Variants in ARHGEF10L observed in about 807,000 individuals in gnomAD.
ARHGEF10L encodes the protein rho guanine nucleotide exchange factor 10-like protein.
Under a neutral mutation model 141.2 loss-of-function variants are expected in ARHGEF10L, and 69 were observed. The ratio of observed to expected loss-of-function variants is 0.49; its 90% CI spans 0.40 to 0.60. The LOEUF (loss-of-function observed/expected upper bound fraction) is 0.60. Ranked by LOEUF, ARHGEF10L falls within the 20% of genes least tolerant of loss-of-function variation. The pLI, the probability that ARHGEF10L is intolerant of heterozygous loss-of-function variation, is 0.00. For synonymous variants in ARHGEF10L, 711 were observed against 718.5 expected (o/e 0.99, Z 0.17); for missense variants, 1,482 against 1,734.3 (o/e 0.85, Z 2.58).
At chr1:17,628,713 T>TA (rs1260836498) in intron 15 of ARHGEF10L, among the ~76,000 whole-genome samples, 1 of 152,222 alleles carries the variant, frequency 6.6e-6, no homozygotes, top group African/African-American at 2.4e-5. Context: ...CTAAGGCCTA[T>TA]GGCTGGCTGT....
chr1:17,649,934 C>T (rs1460859275), intron 22 of ARHGEF10L, among the ~76,000 whole-genome samples: 4 of 152,144 alleles, frequency 2.6e-5, no homozygotes, highest in African/African-American at 4.8e-5. Context: ...CCCCGAGGTT[C>T]GCTGGTGGGT....
In ARHGEF10L at chr1:17,615,079, G is replaced by A. The variant is rs187755018; in HGVS notation, c.727-1015G>A. On this transcript the variant is annotated intron_variant, in intron 8 of 28. Coordinates refer to ENST00000361221, the MANE Select transcript of ARHGEF10L (RefSeq NM_018125.4). This position sits in a 1 kb window ranked among gnomAD's most constrained non-coding sequence, Gnocchi z 4.7. ...CTCTTTAAATGGAAATTAACTAAAA[G>A]TAAATATAATTAGAAATTTGGGTGC... 25 of 152,336 alleles carry A rather than the reference G, an allele frequency of 1.6e-4. No homozygotes were observed. The highest frequency in any genetic ancestry group is 1.4e-3 in the Admixed American group (22 of 15,304). The allele number at this position is 152,336 out of a possible 1,614,324, so 9.4% of individuals were successfully genotyped here. A position where few individuals can be genotyped will look rare whatever the true frequency, so the allele number is the denominator to read the frequency against.
chr1:17,689,198 T>G (rs1040709872), intron 27 of ARHGEF10L, among the ~76,000 whole-genome samples: 5 of 152,012 alleles, frequency 3.3e-5, no homozygotes, highest in Non-Finnish European at 7.4e-5. Flanking sequence ...GAAAGAGAGT[T>G]GGCTTGAGGC....
rs978558564 is a variant in ARHGEF10L, at chr1:17,588,476, C to G, written c.254C>G (p.Thr85Arg). Residue 85 changes from threonine (T) to arginine (R), a missense_variant, in exon 4 of 29, where the codon ACA becomes AGA. Coordinates refer to ENST00000361221, the MANE Select transcript of ARHGEF10L (RefSeq NM_018125.4). ...GACCCAGCAGCTGCTCCACCCGGCACAGGGTAAGTGAACCTTGCTCCTTTG... is the reference window on the plus strand; with the variant it reads ...GACCCAGCAGCTGCTCCACCCGGCAGAGGGTAAGTGAACCTTGCTCCTTTG... Reference protein sequence around the residue: ...DPDPAAAPPGTGVPAWVSNGD... With the variant: ...DPDPAAAPPGRGVPAWVSNGD... The G allele has an allele frequency of 6.2e-7, 1 of 1,613,976 alleles. No individual in the cohort carries two copies. The highest frequency in any genetic ancestry group is 1.7e-4 in the Middle Eastern group (1 of 6,058).
chr1:17,517,060 G>A, the ARHGEF10L span, among the ~76,000 whole-genome samples: 1 of 152,194 alleles, frequency 6.6e-6, no homozygotes, highest in Non-Finnish European at 1.5e-5. Flanking sequence ...AGCCTCCCAG[G>A]AGGGAACCCA....
intron 21 of ARHGEF10L, among the ~76,000 whole-genome samples, chr1:17,648,214 G>C (rs1307540068): frequency 6.6e-6 from 1 of 152,156 alleles, no homozygotes; most frequent in Non-Finnish European, 1.5e-5. Context: ...ATTTCATTTG[G>C]TCCTCACAAC....
At chr1:17,629,819 C>T (rs941537960) in intron 15 of ARHGEF10L, among the ~76,000 whole-genome samples, 16 of 152,342 alleles carry the variant, frequency 1.1e-4, no homozygotes, top group Admixed American at 4.6e-4. Flanking sequence ...TCCCCACCTT[C>T]GGCTCCCTCT....
At chr1:17,576,499 G>A (rs540396969) in intron 1 of ARHGEF10L, among the ~76,000 whole-genome samples, 13 of 152,086 alleles carry the variant, frequency 8.5e-5, no homozygotes, top group Non-Finnish European at 1.9e-4. Context: ...GCCATTCCAC[G>A]CAGTAGCAGG....
chr1:17,527,739 A>G, the ARHGEF10L span, among the ~76,000 whole-genome samples: 62 of 151,888 alleles, frequency 4.1e-4, no homozygotes, highest in African/African-American at 1.4e-3. Flanking sequence ...AATCCTTGCC[A>G]GGGGATTTTC....
At position 17,690,501 on chromosome 1, in the gene ARHGEF10L, C is replaced by G. The variant is rs796924716; in HGVS notation, c.3184+2754C>G. ...CTGCATCTCCTGCGAGGGCTCCTTG[C>G]CCCTCCTAAGACCCTCCAGGTCAGT... On this transcript the variant is annotated intron_variant, in intron 27 of 28. Coordinates refer to ENST00000361221, the MANE Select transcript of ARHGEF10L (RefSeq NM_018125.4). Among the ~76,000 whole-genome samples the G allele has an allele frequency of 9.2e-5, 14 of 152,390 alleles. 1 individual carries two copies. Among genetic ancestry groups the G allele is most frequent in the African/African-American group, 2.9e-4 (12 of 41,598 alleles).
At chr1:17,552,946 C>A (rs941258576) in intron 1 of ARHGEF10L, among the ~76,000 whole-genome samples, 8 of 152,174 alleles carry the variant, frequency 5.3e-5, no homozygotes, top group Non-Finnish European at 1.0e-4. Flanking sequence ...CCTTCCTTGG[C>A]AAATCACTTG....
chr1:17,647,329 C>T (rs1187547031), intron 21 of ARHGEF10L, among the ~76,000 whole-genome samples: 1 of 152,154 alleles, frequency 6.6e-6, no homozygotes, highest in Non-Finnish European at 1.5e-5. Context: ...TGGCTGTGCT[C>T]AGCGATTGTG....
intron 1 of ARHGEF10L, among the ~76,000 whole-genome samples, chr1:17,561,652 G>A (rs1466987200): frequency 6.6e-6 from 1 of 152,226 alleles, no homozygotes; most frequent in African/African-American, 2.4e-5. Flanking sequence ...TAGGTCCCTG[G>A]GGCTGTCGGG....
At chr1:17,675,051 G>A (rs2063558737) in intron 26 of ARHGEF10L, among the ~76,000 whole-genome samples, 1 of 152,150 alleles carries the variant, frequency 6.6e-6, no homozygotes, top group Non-Finnish European at 1.5e-5. Flanking sequence ...AGTCTTTTGG[G>A]CAATGTCCAG....
Position 17,654,850 on chromosome 1 carries a change from C to T in ARHGEF10L, c.2481+128C>T. The T allele has an allele frequency of 1.1e-6, 1 of 888,884 alleles. No homozygotes were observed. Among genetic ancestry groups the T allele is most frequent in the Non-Finnish European group, 1.8e-6 (1 of 547,808 alleles). 55.1% of individuals were successfully genotyped at this position (888,884 alleles called of 1,614,324 possible). ...CTCATGCAGCTTCATCCACCAAGGTCTTCCTGGGCACCTCTGGTGCCAGGC... is the reference window on the plus strand; with the variant it reads ...CTCATGCAGCTTCATCCACCAAGGTTTTCCTGGGCACCTCTGGTGCCAGGC... On this transcript the variant is annotated intron_variant, in intron 23 of 28. Transcript: ENST00000361221. The surrounding 1 kb of genome is among the most constrained non-coding windows in gnomAD (Gnocchi z 4.3).
intron 27 of ARHGEF10L, chr1:17,689,867 G>C (rs1165164054): frequency 2.2e-6 from 1 of 455,950 alleles, no homozygotes; most frequent in Non-Finnish European, 4.4e-6. Context: ...GTGGTGGGAG[G>C]CAGGATGTGT....
upstream of ARHGEF10L, among the ~76,000 whole-genome samples, chr1:17,536,421 G>A (rs2076576082): frequency 6.6e-6 from 1 of 152,134 alleles, no homozygotes; most frequent in Non-Finnish European, 1.5e-5. Flanking sequence ...AGGTTGCGGT[G>A]AGCTGAGATC....
intron 1 of ARHGEF10L, among the ~76,000 whole-genome samples, chr1:17,564,511 A>C (rs898598428): frequency 6.6e-6 from 1 of 152,184 alleles, no homozygotes; most frequent in Non-Finnish European, 1.5e-5. Flanking sequence ...CCCCAGCAGC[A>C]CAGGAGCCCA....
rs2076656805 is a variant in ARHGEF10L at position 17,539,998 on chromosome 1, T to C, written c.-44+48T>C. The stretch of plus-strand genomic sequence containing the variant: ...CCTGCCTCCGCGGGATCCTCGCGTG[T>C]GCCGGAGTCTGCGAGTGCGCGGGAG... On this transcript the variant is annotated intron_variant, in intron 1 of 28. Coordinates refer to ENST00000361221, the MANE Select transcript of ARHGEF10L (RefSeq NM_018125.4). The surrounding 1 kb of genome is among the most constrained non-coding windows in gnomAD (Gnocchi z 6.0). 6.6e-6 allele frequency: 1 copy of C among 151,522 alleles called. No homozygotes were observed. Among genetic ancestry groups the C allele is most frequent in the East Asian group, 2.0e-4 (1 of 5,010 alleles). 9.4% of individuals were successfully genotyped at this position (151,522 alleles called of 1,614,324 possible).
Sources: gnomAD v4.1 joint callset for allele counts (sites outside exome capture counted in the v4.1 genomes callset) on GRCh38, gnomAD v4.1.1 for gene constraint, Gnocchi (gnomAD v3.1) non-coding constraint, MANE v1.5 for transcripts, NCBI Gene and HGNC (gene_info 2026-07-23, HGNC 2026-07-21) for gene names.